TM9SF3: variants seen among roughly 807,000 people sequenced by gnomAD.
The protein encoded by TM9SF3 is SM-11044-binding protein.
In TM9SF3, 14 loss-of-function variants were observed where a neutral mutation model predicts 78.6. The observed-to-expected ratio is 0.18, with a 90% CI of 0.12 to 0.28. The LOEUF (loss-of-function observed/expected upper bound fraction) is 0.28, where lower values mean the gene tolerates loss of function less well. Among genes scored for constraint, TM9SF3 ranks in the 10% least tolerant of loss-of-function variants. The probability of loss-of-function intolerance (pLI) is 1.00; values close to 1 mark genes in which losing one functional copy is unlikely to be tolerated. For synonymous variants in TM9SF3, 231 were observed against 241.7 expected (o/e 0.96, Z 0.41); for missense variants, 496 against 721.9 (o/e 0.69, Z 3.59).
At chr10:96,562,622 T>C (rs1026156192) in intron 3 of TM9SF3, among the ~76,000 whole-genome samples, 2 of 152,176 alleles carry the variant, frequency 1.3e-5, no homozygotes, top group Admixed American at 6.5e-5. Flanking sequence ...CATGTATATA[T>C]GGGCACCAAA....
chr10:96,527,336 C>T (rs1847850464), intron 13 of TM9SF3, 47 bp from the exon 14 acceptor site: 1 of 1,591,110 alleles, frequency 6.3e-7, no homozygotes, highest in Non-Finnish European at 8.6e-7. Context: ...TTACTTTCAA[C>T]TTAAGGCCTT....
At chr10:96,540,241 A>G (rs1482181405) in intron 9 of TM9SF3, among the ~76,000 whole-genome samples, 2 of 152,226 alleles carry the variant, frequency 1.3e-5, no homozygotes, top group African/African-American at 2.4e-5. Context: ...AGAATCAAGA[A>G]TATCTGTCAC....
intron 3 of TM9SF3, 78 bp from the exon 4 acceptor site, chr10:96,562,216 G>GGT: frequency 1.8e-6 from 1 of 560,868 alleles, no homozygotes; most frequent in Non-Finnish European, 2.7e-6. Flanking sequence ...TGCTCATTAA[G>GGT]TTTTTTTTTT....
intron 2 of TM9SF3, among the ~76,000 whole-genome samples, chr10:96,565,925 T>C (rs1848364221): frequency 6.6e-6 from 1 of 152,162 alleles, no homozygotes. Context: ...CAGTGACTAT[T>C]CATAAGCAGG....
At chr10:96,529,138 C>T (rs949009948) in intron 11 of TM9SF3, among the ~76,000 whole-genome samples, 4 of 152,068 alleles carry the variant, frequency 2.6e-5, no homozygotes, top group African/African-American at 9.7e-5. Flanking sequence ...AGGCACAAAG[C>T]ATTGTCAGAC....
intron 5 of TM9SF3, among the ~76,000 whole-genome samples, chr10:96,556,463 A>G (rs1283679018): frequency 6.6e-6 from 1 of 152,200 alleles, no homozygotes; most frequent in African/African-American, 2.4e-5. Context: ...GTTTGAATTC[A>G]GCTTTAGCTC....
At chr10:96,546,166 A>G (rs1273175877) in intron 8 of TM9SF3, among the ~76,000 whole-genome samples, 3 of 152,200 alleles carry the variant, frequency 2.0e-5, no homozygotes, top group African/African-American at 7.2e-5. Flanking sequence ...AAATCCTGAG[A>G]TAAGTCTGAA....
In TM9SF3 at chr10:96,574,913, G is replaced by A. The variant is rs563341501; in HGVS notation, c.298+1721C>T. Among the ~76,000 whole-genome samples the A allele has an allele frequency of 7.9e-5, 12 of 152,174 alleles. No homozygotes were observed. The East Asian group carries it at 1.7e-3, about 22-fold the overall frequency. On this transcript the variant is annotated intron_variant, in intron 2 of 14. Coordinates refer to ENST00000371142, the MANE Select transcript of TM9SF3 (RefSeq NM_020123.4). ...ACAGGGAAGGGAACATCACACACCC[G>A]GCCCTGTCAGGGGGTGGGGGGCTAG...
At chr10:96,571,102 T>A (rs1848432842) in intron 2 of TM9SF3, among the ~76,000 whole-genome samples, 1 of 152,098 alleles carries the variant, frequency 6.6e-6, no homozygotes, top group South Asian at 2.1e-4. Context: ...GACAAACTAC[T>A]AATAAAGCAG....
intron 14 of TM9SF3, 43 bp downstream of exon 14, chr10:96,527,168 GAA>G (rs1212341490): frequency 6.6e-7 from 1 of 1,519,816 alleles, no homozygotes; most frequent in African/African-American, 1.4e-5. Flanking sequence ...CGGATTTAGA[GAA>G]ACTCAGATTT....
At chr10:96,581,031 A>G (rs1454660581) in intron 1 of TM9SF3, among the ~76,000 whole-genome samples, 3 of 152,218 alleles carry the variant, frequency 2.0e-5, no homozygotes, top group African/African-American at 7.2e-5. Context: ...AGGTGTACAA[A>G]GCAACTAAAG....
intron 2 of TM9SF3, among the ~76,000 whole-genome samples, chr10:96,574,355 G>A (rs193072287): frequency 5.8e-4 from 89 of 152,206 alleles, no homozygotes; most frequent in Middle Eastern, 3.4e-3. Flanking sequence ...AGAGAAATGC[G>A]AATCAAAACT....
Position 96,522,188 on chromosome 10 carries a change from T to G in TM9SF3, c.*75A>C. ...TTAAAGCCCAAATCTCTTCTTGCGT[T>G]TGTTTGTTTTTGCTGTGCAAGTTCC... On this transcript the variant is annotated 3_prime_UTR_variant, in exon 15 of 15. Transcript: ENST00000371142. 3 of 1,280,576 alleles carry G rather than the reference T, an allele frequency of 2.3e-6. No individual in the cohort carries two copies. The highest frequency in any genetic ancestry group is 2.1e-5 in the Admixed American group (1 of 46,908). 79.3% of individuals were successfully genotyped at this position (1,280,576 alleles called of 1,614,324 possible). A position where few individuals can be genotyped will look rare whatever the true frequency, so the allele number is the denominator to read the frequency against.
At chr10:96,560,196 G>A (rs954331030) in intron 4 of TM9SF3, 13 of 1,007,510 alleles carry the variant, frequency 1.3e-5, no homozygotes, top group African/African-American at 7.9e-5. Context: ...TGGAAGATTC[G>A]ATGGACATGG....
At chr10:96,532,730 T>C (rs545487653) in intron 10 of TM9SF3, among the ~76,000 whole-genome samples, 5 of 151,692 alleles carry the variant, frequency 3.3e-5, no homozygotes, top group Non-Finnish European at 5.9e-5. Flanking sequence ...CAAAACTTTA[T>C]AGATAAAAAC....
chr10:96,546,860 G>A (rs550714458), intron 8 of TM9SF3, among the ~76,000 whole-genome samples: 1 of 152,304 alleles, frequency 6.6e-6, no homozygotes, highest in Admixed American at 6.5e-5. Flanking sequence ...ATGGGCTGTG[G>A]AAAATCACAA....
At chr10:96,525,285 T>C (rs1032683722) in intron 14 of TM9SF3, among the ~76,000 whole-genome samples, 1 of 151,988 alleles carries the variant, frequency 6.6e-6, no homozygotes, top group African/African-American at 2.4e-5. Flanking sequence ...ACAATGTAGT[T>C]TTAACCTTCA....
At chr10:96,557,457 C>T (rs1848248070) in intron 5 of TM9SF3, among the ~76,000 whole-genome samples, 1 of 152,226 alleles carries the variant, frequency 6.6e-6, no homozygotes, top group South Asian at 2.1e-4. Flanking sequence ...ACCTACCCTG[C>T]TACCACCCTT....
intron 7 of TM9SF3, among the ~76,000 whole-genome samples, chr10:96,549,816 T>TAAAAAA (rs370197060): frequency 8.2e-6 from 1 of 121,820 alleles, no homozygotes; most frequent in Admixed American, 8.6e-5. Flanking sequence ...CTTCTGCATT[T>TAAAAAA]TAAAAAAAAA....
Sources: gnomAD v4.1 joint callset for allele counts (sites outside exome capture counted in the v4.1 genomes callset) on GRCh38, gnomAD v4.1.1 for gene constraint, MANE v1.5 for transcripts, NCBI Gene and HGNC (gene_info 2026-07-23, HGNC 2026-07-21) for gene names.